EXOC6B: variants seen among roughly 807,000 people sequenced by gnomAD.
The protein encoded by EXOC6B is SEC15 homolog B.
Under a neutral mutation model 113.5 loss-of-function variants are expected in EXOC6B, and 54 were observed. The observed-to-expected ratio is 0.48, with a 90% CI of 0.38 to 0.60. The LOEUF is 0.60. EXOC6B is among the 20% of genes least tolerant of loss of function. The pLI is 0.00. For synonymous variants in EXOC6B, 357 were observed against 339.0 expected (o/e 1.05, Z -0.58); for missense variants, 797 against 977.5 (o/e 0.82, Z 2.46).
chr2:72,472,257 A>G (rs1558703321), intron 17 of EXOC6B, among the ~76,000 whole-genome samples: 1 of 152,002 alleles, frequency 6.6e-6, no homozygotes, highest in Non-Finnish European at 1.5e-5. Flanking sequence ...TTCTCTCCCT[A>G]ATTTTTTGGA....
At chr2:72,727,107 T>A (rs561779683) in intron 5 of EXOC6B, among the ~76,000 whole-genome samples, 3 of 151,826 alleles carry the variant, frequency 2.0e-5, no homozygotes, top group Admixed American at 2.0e-4. Flanking sequence ...CAAGGAAAAA[T>A]TGTAAAACAA....
chr2:72,260,144 G>A (rs1332139851), intron 20 of EXOC6B, among the ~76,000 whole-genome samples: 2 of 152,034 alleles, frequency 1.3e-5, no homozygotes, highest in Non-Finnish European at 2.9e-5. Context: ...CCCTCTTCAT[G>A]TTTATATATA....
chr2:72,266,025 T>C (rs1396717734), intron 20 of EXOC6B, among the ~76,000 whole-genome samples: 1 of 152,266 alleles, frequency 6.6e-6, no homozygotes, highest in Admixed American at 6.5e-5. Flanking sequence ...CATTTTTTCA[T>C]GTGTCTTTTG....
chr2:72,527,229 A>C (rs1040085900), intron 8 of EXOC6B, among the ~76,000 whole-genome samples: 1 of 152,032 alleles, frequency 6.6e-6, no homozygotes, highest in African/African-American at 2.4e-5. Flanking sequence ...ATTGAGTTGC[A>C]AAAAATCCAG....
intron 17 of EXOC6B, among the ~76,000 whole-genome samples, chr2:72,469,745 A>G (rs1408411569): frequency 1.3e-5 from 2 of 152,038 alleles, no homozygotes; most frequent in Non-Finnish European, 2.9e-5. Flanking sequence ...CATTCTATAA[A>G]TGTCCATTAG....
At chr2:72,647,027 G>T (rs1673776064) in intron 6 of EXOC6B, among the ~76,000 whole-genome samples, 1 of 152,154 alleles carries the variant, frequency 6.6e-6, no homozygotes, top group African/African-American at 2.4e-5. Context: ...GTTTGCAGAT[G>T]ACATGATTGT....
At chr2:72,729,798 T>C (rs1167027541) in intron 5 of EXOC6B, among the ~76,000 whole-genome samples, 1 of 152,186 alleles carries the variant, frequency 6.6e-6, no homozygotes, top group Non-Finnish European at 1.5e-5. Flanking sequence ...AGTACCTTCA[T>C]ATCTCAGACA....
In EXOC6B at chr2:72,213,323, A is replaced by C. The variant is rs73942564; in HGVS notation, c.2197-29136T>G. 8.5e-3 allele frequency among the ~76,000 whole-genome samples: 1,290 copies of C among 152,346 alleles called. 20 individuals carry two copies. Among genetic ancestry groups the C allele is most frequent in the African/African-American group, 0.029 (1,191 of 41,564 alleles). The stretch of plus-strand genomic sequence containing the variant: ...GGCCAAATTCCTGACCCACAGAATA[A>C]TGAACAAATAAAATGGTTGTTACTT... On this transcript the variant is annotated intron_variant, in intron 20 of 21. Transcript: ENST00000272427.
intron 1 of EXOC6B, among the ~76,000 whole-genome samples, chr2:72,763,164 A>G (rs960940389): frequency 6.6e-6 from 1 of 152,204 alleles, no homozygotes; most frequent in African/African-American, 2.4e-5. Flanking sequence ...CAAACAAAAA[A>G]CAAACAGCAA....
intron 20 of EXOC6B, among the ~76,000 whole-genome samples, chr2:72,284,376 C>T (rs982687383): frequency 6.6e-6 from 1 of 152,048 alleles, no homozygotes; most frequent in Non-Finnish European, 1.5e-5. Context: ...AGAAAAATTA[C>T]ACAAACATAT....
intron 7 of EXOC6B, among the ~76,000 whole-genome samples, chr2:72,562,042 C>G (rs949067062): frequency 2.0e-5 from 3 of 152,124 alleles, no homozygotes; most frequent in African/African-American, 4.8e-5. Context: ...ATCATTTTTC[C>G]TCTATGCTCC....
chr2:72,427,356 C>T (rs1031581185), intron 18 of EXOC6B, among the ~76,000 whole-genome samples: 1 of 152,160 alleles, frequency 6.6e-6, no homozygotes, highest in Admixed American at 6.5e-5. Flanking sequence ...ACTTGGGTGT[C>T]TCTGCACTCT....
chr2:72,641,544 A>T (rs1573538202), intron 6 of EXOC6B, among the ~76,000 whole-genome samples: 2 of 152,248 alleles, frequency 1.3e-5, no homozygotes, highest in African/African-American at 4.8e-5. Flanking sequence ...TTGAGTAGGT[A>T]AACAAAGCAG....
At chr2:72,482,260 C>G (rs1699145886) in intron 16 of EXOC6B, among the ~76,000 whole-genome samples, 1 of 152,122 alleles carries the variant, frequency 6.6e-6, no homozygotes, top group South Asian at 2.1e-4. Context: ...AAAGTGGTAT[C>G]TATTACTTAT....
intron 6 of EXOC6B, among the ~76,000 whole-genome samples, chr2:72,659,384 C>T (rs919144414): frequency 6.6e-6 from 1 of 152,090 alleles, no homozygotes; most frequent in African/African-American, 2.4e-5. Flanking sequence ...TAGGCAAAAA[C>T]CTTTCCATCT....
At chr2:72,619,679 T>C (rs1048528086) in intron 6 of EXOC6B, among the ~76,000 whole-genome samples, 1 of 152,168 alleles carries the variant, frequency 6.6e-6, no homozygotes, top group Non-Finnish European at 1.5e-5. Context: ...GGGGGAAATC[T>C]GGAAGCCCTG....
At chr2:72,350,426 T>A (rs1448100062) in intron 19 of EXOC6B, among the ~76,000 whole-genome samples, 2 of 152,206 alleles carry the variant, frequency 1.3e-5, no homozygotes, top group Non-Finnish European at 2.9e-5. Flanking sequence ...AGATCAATAT[T>A]AACATAGATA....
chr2:72,198,080 T>C (rs1679279938), intron 20 of EXOC6B, among the ~76,000 whole-genome samples: 1 of 152,062 alleles, frequency 6.6e-6, no homozygotes, highest in African/African-American at 2.4e-5. Context: ...TTAATTAGGG[T>C]CATTACCAGT....
intron 20 of EXOC6B, among the ~76,000 whole-genome samples, chr2:72,205,388 T>C (rs1230402899): frequency 1.3e-5 from 2 of 149,934 alleles, no homozygotes; most frequent in Non-Finnish European, 3.0e-5. Context: ...GATATTCCAC[T>C]GAAGTAAAAT....
Sources: gnomAD v4.1 joint callset for allele counts (sites outside exome capture counted in the v4.1 genomes callset) on GRCh38, gnomAD v4.1.1 for gene constraint, MANE v1.5 for transcripts, NCBI Gene and HGNC (gene_info 2026-07-23, HGNC 2026-07-21) for gene names.